ORC5: variants seen among roughly 807,000 people sequenced by gnomAD.
The protein encoded by ORC5 is protein phosphatase 1, regulatory subunit 117.
In ORC5, 39 loss-of-function variants were observed where a neutral mutation model predicts 58.8. The ratio of observed to expected loss-of-function variants is 0.66; its 90% CI spans 0.51 to 0.87. ORC5 has a LOEUF of 0.87. ORC5 is among the 40% of genes least tolerant of loss of function. The pLI, the probability that ORC5 is intolerant of heterozygous loss-of-function variation, is 0.00. For missense variants in ORC5, 493 were observed against 506.3 expected (o/e 0.97, Z 0.25); for synonymous variants, 218 against 177.6 (o/e 1.23, Z -1.81).
chr7:104,126,581 T>G lies in ORC5; in HGVS notation c.*267A>C, dbSNP rs1798432481. 2.8e-6 allele frequency: 1 copy of G among 359,428 alleles called. No homozygotes were observed. Among genetic ancestry groups the G allele is most frequent in the Non-Finnish European group, 5.0e-6 (1 of 201,114 alleles). The allele number at this position is 359,428 out of a possible 1,614,324, so 22.3% of individuals were successfully genotyped here. ...AATTTCAGTGTTAAGATAACATCATTAAGAGTAGAACAGATTGTGCTCAAA... is the reference window on the plus strand; with the variant it reads ...AATTTCAGTGTTAAGATAACATCATGAAGAGTAGAACAGATTGTGCTCAAA... On this transcript the variant is annotated 3_prime_UTR_variant, in exon 14 of 14. Transcript: ENST00000297431.
At chr7:104,142,874 G>A (rs1030968317) in intron 12 of ORC5, among the ~76,000 whole-genome samples, 1 of 152,176 alleles carries the variant, frequency 6.6e-6, no homozygotes, top group East Asian at 1.9e-4. Context: ...GGATCCAGGA[G>A]TCTTCGTGGG....
Position 104,207,977 on chromosome 7 carries a change from A to C in ORC5, c.-73T>G. ...CTTGCACAAGACGGAGCCTCTCCCG[A>C]GTCTGGCGGCCCACGCTCCCGCCGG... On this transcript the variant is annotated 5_prime_UTR_variant, in exon 1 of 14. Transcript: ENST00000297431. 2 of 1,417,162 alleles carry C rather than the reference A, an allele frequency of 1.4e-6. No homozygotes were observed. Among genetic ancestry groups the C allele is most frequent in the Admixed American group, 1.8e-5 (1 of 56,618 alleles). The allele number at this position is 1,417,162 out of a possible 1,614,324, so 87.8% of individuals were successfully genotyped here.
chr7:104,205,493 T>G (rs1478367667), intron 1 of ORC5, among the ~76,000 whole-genome samples: 1 of 152,124 alleles, frequency 6.6e-6, no homozygotes, highest in Non-Finnish European at 1.5e-5. Flanking sequence ...ACAGCAACAG[T>G]CACAAACATT....
rs60705861 is a variant in ORC5, at chr7:104,205,081, A to G, written c.73-847T>C. On this transcript the variant is annotated intron_variant, in intron 1 of 13. Transcript: ENST00000297431. ...TACGGGAAAACTTGATTTTTTAATA[A>G]TACTCTTTTTTTTTTTTTTTTTTTT... 3.1e-3 allele frequency among the ~76,000 whole-genome samples: 385 copies of G among 123,810 alleles called. 15 individuals are homozygous for G. In the East Asian group the frequency reaches 0.077, roughly 25 times the overall value. The allele number at this position is 123,810 out of a possible 152,430, so 81.2% of individuals were successfully genotyped here.
intron 12 of ORC5, among the ~76,000 whole-genome samples, chr7:104,145,407 C>A (rs1337691777): frequency 1.3e-5 from 2 of 151,966 alleles, no homozygotes; most frequent in African/African-American, 4.8e-5. Flanking sequence ...AAATTAATGA[C>A]TTAGAAGGAT....
chr7:104,142,009 G>A (rs1798681475), intron 12 of ORC5, among the ~76,000 whole-genome samples: 1 of 151,986 alleles, frequency 6.6e-6, no homozygotes, highest in South Asian at 2.1e-4. Flanking sequence ...CAAAACTACA[G>A]TAATCAAAAC....
intron 1 of ORC5, among the ~76,000 whole-genome samples, chr7:104,205,941 G>C (rs925336134): frequency 6.6e-6 from 1 of 152,234 alleles, no homozygotes; most frequent in African/African-American, 2.4e-5. Context: ...CTGGGAGGCA[G>C]AGACTGCAGT....
chr7:104,165,277 A>T lies in ORC5; in HGVS notation c.996T>A (p.His332Gln). 6.5e-7 allele frequency: 1 copy of T among 1,529,798 alleles called. No individual in the cohort carries two copies. Among genetic ancestry groups the T allele is most frequent in the Non-Finnish European group, 8.9e-7 (1 of 1,117,374 alleles). 94.8% of individuals were successfully genotyped at this position (1,529,798 alleles called of 1,614,324 possible). The change falls in exon 11 of 14, where the codon CAT (histidine) becomes CAA (glutamine). Residue 332 changes from histidine (H) to glutamine (Q), a missense_variant. Physicochemically the swap from His to Gln is conservative, Grantham distance 24. This residue lies in a region of ORC5 where 412 missense variants were observed against 403.7 expected (regional missense o/e 1.02). Transcript: ENST00000297431. ...RTDKRFFLKH[H>Q]GKIKKTNFLK... ...GAAAGTTGGTTTTCTTGATTTTTCC[A>T]TGATGCTGCAATTAAGGAAAACAAA...
At chr7:104,204,060 G>T in intron 2 of ORC5, 82 bp downstream of exon 2, 1 of 645,720 alleles carries the variant, frequency 1.5e-6, no homozygotes, top group Non-Finnish European at 2.7e-6. Flanking sequence ...GTTCAATTTT[G>T]CATTTGTGGA....
chr7:104,185,650 T>C (rs1450458119), intron 6 of ORC5, among the ~76,000 whole-genome samples: 2 of 152,192 alleles, frequency 1.3e-5, no homozygotes, highest in African/African-American at 4.8e-5. Context: ...ACGATCTCTC[T>C]AGAAACTCTA....
Position 104,185,732 on chromosome 7 carries a change from G to A in ORC5, c.685-1561C>T, listed in dbSNP as rs1799529468. On this transcript the variant is annotated intron_variant, in intron 6 of 13. Coordinates refer to ENST00000297431, the MANE Select transcript of ORC5 (RefSeq NM_002553.4). ...TAGTAGTTTTCCATGAATCAACACTGGAATTCTACTGAACAGCAGTTTAAG... is the reference window on the plus strand; with the variant it reads ...TAGTAGTTTTCCATGAATCAACACTAGAATTCTACTGAACAGCAGTTTAAG... 1.3e-5 allele frequency among the ~76,000 whole-genome samples: 2 copies of A among 151,816 alleles called. 1 individual carries two copies. The highest frequency in any genetic ancestry group is 4.2e-4 in the South Asian group (2 of 4,816).
chr7:104,207,805 G>C (rs376753377), intron 1 of ORC5, 28 bp downstream of exon 1: 3 of 1,589,416 alleles, frequency 1.9e-6, no homozygotes, highest in African/African-American at 2.7e-5. Context: ...CTGCCTCCAG[G>C]ATCTGGAAGA....
At chr7:104,177,804 G>C (rs1213769116) in intron 8 of ORC5, among the ~76,000 whole-genome samples, 1 of 152,120 alleles carries the variant, frequency 6.6e-6, no homozygotes, top group Non-Finnish European at 1.5e-5. Flanking sequence ...CGTCCACTTA[G>C]AGTGAGAACA....
chr7:104,194,984 A>G (rs1312993242), intron 5 of ORC5, among the ~76,000 whole-genome samples, 159 bp downstream of exon 5: 1 of 152,130 alleles, frequency 6.6e-6, no homozygotes, highest in Non-Finnish European at 1.5e-5. Flanking sequence ...TTCCCATTTC[A>G]ATATCAAATT....
intron 12 of ORC5, among the ~76,000 whole-genome samples, chr7:104,152,341 A>G (rs1287303100): frequency 1.3e-5 from 2 of 152,030 alleles, no homozygotes; most frequent in East Asian, 3.9e-4. Flanking sequence ...ACAGGGTCTC[A>G]CTATGTTGCC....
At chr7:104,207,717 C>T in intron 1 of ORC5, 116 bp downstream of exon 1, 1 of 864,544 alleles carries the variant, frequency 1.2e-6, no homozygotes, top group Non-Finnish European at 1.9e-6. Context: ...CCCTATTTAA[C>T]GTAAAAACGG....
chr7:104,186,598 T>C (rs930871119), intron 6 of ORC5, among the ~76,000 whole-genome samples: 11 of 152,102 alleles, frequency 7.2e-5, no homozygotes, highest in Non-Finnish European at 2.9e-5. Context: ...GAAATATCAA[T>C]TCATAAAGCA....
chr7:104,183,380 G>A (rs922311575), intron 8 of ORC5, among the ~76,000 whole-genome samples: 1 of 151,998 alleles, frequency 6.6e-6, no homozygotes, highest in African/African-American at 2.4e-5. Flanking sequence ...CTGGCACCAA[G>A]GGACAATAAA....
chr7:104,191,942 T>C (rs370404299), intron 5 of ORC5, among the ~76,000 whole-genome samples: 1 of 152,062 alleles, frequency 6.6e-6, no homozygotes, highest in Admixed American at 6.6e-5. Context: ...TAATAATCAA[T>C]TAAAAACTGG....
Sources: gnomAD v4.1 joint callset for allele counts (sites outside exome capture counted in the v4.1 genomes callset) on GRCh38, gnomAD v4.1.1 for gene constraint, gnomAD v4.1.1 regional missense constraint, MANE v1.5 for transcripts, NCBI Gene and HGNC (gene_info 2026-07-23, HGNC 2026-07-21) for gene names.